YIPF6: variants seen among roughly 807,000 people sequenced by gnomAD.
The protein encoded by YIPF6 is Yip1 domain family member 6.
A neutral mutation model predicts 16.8 loss-of-function variants in YIPF6; 3 were observed. The observed-to-expected ratio is 0.18, with a 90% CI of 0.08 to 0.46. The LOEUF is 0.46. Ranked by LOEUF, YIPF6 falls within the 20% of genes least tolerant of loss-of-function variation. The probability of loss-of-function intolerance (pLI) is 0.98; values close to 1 mark genes in which losing one functional copy is unlikely to be tolerated. For synonymous variants in YIPF6, 67 were observed against 61.9 expected (o/e 1.08, Z -0.38); for missense variants, 145 against 184.9 (o/e 0.78, Z 1.25).
At chrX:68,520,166 T>C (rs902708066) in intron 4 of YIPF6, among the ~76,000 whole-genome samples, 5 of 112,436 alleles carry the variant, frequency 4.4e-5, no homozygotes, top group Non-Finnish European at 7.5e-5. Context: ...ATGCATATCA[T>C]AGAATACAAA....
chrX:68,521,574 A>C (rs2079126045), intron 5 of YIPF6, 77 bp downstream of exon 5: 2 of 1,040,264 alleles, frequency 1.9e-6, no homozygotes, highest in Non-Finnish European at 2.6e-6. Context: ...CAGGCTAGCT[A>C]GATTTTTTTT....
chrX:68,531,557 T>C (rs910896020), intron 6 of YIPF6, among the ~76,000 whole-genome samples: 10 of 112,455 alleles, frequency 8.9e-5, no homozygotes, highest in African/African-American at 3.2e-4. Flanking sequence ...CGAGGCCGTT[T>C]ACCATAGGAA....
chrX:68,524,399 C>T (rs1303134531), intron 6 of YIPF6, among the ~76,000 whole-genome samples: 1 of 110,321 alleles, frequency 9.1e-6, no homozygotes, highest in African/African-American at 3.3e-5. Flanking sequence ...GAACTCCTGA[C>T]CTCAGGTGAT....
At chrX:68,501,916 A>G (rs888836570) in intron 1 of YIPF6, among the ~76,000 whole-genome samples, 2 of 111,690 alleles carry the variant, frequency 1.8e-5, no homozygotes, top group Non-Finnish European at 3.8e-5. Flanking sequence ...GAAATTACCA[A>G]ACCCCTCCTT....
At position 68,521,392 on chromosome X, in the gene YIPF6, C is replaced by T. The variant is rs1214152676; in HGVS notation, c.329C>T (p.Ala110Val). The T allele has an allele frequency of 8.3e-7, 1 of 1,210,448 alleles. No individual in the cohort carries two copies. The highest frequency in any genetic ancestry group is 1.8e-5 in the South Asian group (1 of 56,805). ...TLALMLQRDS[A>V]DSEKDGGPQF... ...CTCAGAATGCTGCAAAGAGACTCTG[C>T]AGATAGTGAAAAAGATGGAGGGCCC... The change falls in exon 5 of 7, where the codon GCA becomes GTA. Residue 110 changes from alanine to valine, a missense_variant. Ala to Val is a moderately conservative substitution (Grantham distance 64). Transcript: ENST00000462683.
chrX:68,515,555 T>A (rs2079099050), intron 3 of YIPF6, among the ~76,000 whole-genome samples: 1 of 111,437 alleles, frequency 9.0e-6, no homozygotes, highest in Non-Finnish European at 1.9e-5. Flanking sequence ...TCTGTATCTG[T>A]CCTATTGGAA....
intron 2 of YIPF6, among the ~76,000 whole-genome samples, chrX:68,512,830 A>ATT (rs200742201): frequency 1.8e-3 from 172 of 96,836 alleles, no homozygotes; most frequent in African/African-American, 6.1e-3. Context: ...CAGTTTCTTG[A>ATT]TTTTTTTTTT....
In YIPF6 at chrX:68,521,473, A is replaced by C. The variant is rs1163080748; in HGVS notation, c.410A>C (p.Asn137Thr). 2 of 1,208,903 alleles carry C rather than the reference A, an allele frequency of 1.7e-6. No homozygotes were observed. Among genetic ancestry groups the C allele is most frequent in the Non-Finnish European group, 2.2e-6 (2 of 894,457 alleles). Residue 137 changes from asparagine (N) to threonine (T), a missense_variant, in exon 5 of 7, where the codon AAC (asparagine) becomes ACC (threonine). Asn to Thr is a moderately conservative substitution (Grantham distance 65). Coordinates refer to ENST00000462683, the MANE Select transcript of YIPF6 (RefSeq NM_173834.4). ...TTTGGTGCAGTTACCATCACCCTCA[A>C]CTCAAAACTTCTTGGAGGGAACATG... ...VWFGAVTITL[N>T]SKLLGGNISF...
chrX:68,501,730 T>G (rs1481251983), intron 1 of YIPF6, among the ~76,000 whole-genome samples: 1 of 111,971 alleles, frequency 8.9e-6, no homozygotes, highest in Non-Finnish European at 1.9e-5. Flanking sequence ...GCTAGTATAT[T>G]TATAGAACAA....
At chrX:68,513,547 C>A in intron 3 of YIPF6, 142 bp downstream of exon 3, 1 of 340,374 alleles carries the variant, frequency 2.9e-6, no homozygotes, top group Non-Finnish European at 4.9e-6. Flanking sequence ...ATATGTAAAT[C>A]AAACTTCTGG....
chrX:68,521,694 C>T (rs1469527263), intron 5 of YIPF6, among the ~76,000 whole-genome samples, 197 bp downstream of exon 5: 1 of 108,388 alleles, frequency 9.2e-6, no homozygotes, highest in Non-Finnish European at 1.9e-5. Context: ...TAGCTGGGAT[C>T]CTCCTGCCCC....
chrX:68,510,714 A>G (rs2079077780), intron 1 of YIPF6: 1 of 110,610 alleles, frequency 9.0e-6, no homozygotes, highest in Admixed American at 9.7e-5. Flanking sequence ...GCTCACCGCA[A>G]CCTTCACCTC....
At chrX:68,527,661 G>A (rs887057161) in intron 6 of YIPF6, among the ~76,000 whole-genome samples, 2 of 111,579 alleles carry the variant, frequency 1.8e-5, no homozygotes, top group Non-Finnish European at 3.8e-5. Context: ...AGAGATTCTG[G>A]TATGTTCCGT....
chrX:68,517,481 C>G (rs2079107773), intron 3 of YIPF6, among the ~76,000 whole-genome samples: 1 of 112,222 alleles, frequency 8.9e-6, no homozygotes, highest in Non-Finnish European at 1.9e-5. Flanking sequence ...TTTGCTAGAC[C>G]TGATGTTGGC....
chrX:68,513,269 A>T, intron 2 of YIPF6, 58 bp from the exon 3 acceptor site: 1 of 996,614 alleles, frequency 1.0e-6, no homozygotes, highest in South Asian at 2.2e-5. Context: ...TAGCAAATTA[A>T]GTAAGGCTGC....
intron 6 of YIPF6, among the ~76,000 whole-genome samples, chrX:68,526,979 C>T (rs1423222754): frequency 1.8e-5 from 2 of 111,724 alleles, no homozygotes; most frequent in Non-Finnish European, 3.8e-5. Context: ...CAGGATGATG[C>T]TGGCCTCACG....
chrX:68,517,978 A>AG (rs949425650), intron 3 of YIPF6, among the ~76,000 whole-genome samples: 3 of 107,834 alleles, frequency 2.8e-5, no homozygotes, highest in African/African-American at 1.0e-4. Context: ...AAAAAAAAAA[A>AG]AAAGAAAAGA....
rs1036297106 is a variant in YIPF6 at position 68,533,584 on chromosome X, C to G, written c.*1585C>G. 1 of 111,763 alleles carries G rather than the reference C, an allele frequency of 8.9e-6. No individual in the cohort carries two copies. Among genetic ancestry groups the G allele is most frequent in the African/African-American group, 3.2e-5 (1 of 30,802 alleles). 9.2% of individuals were successfully genotyped at this position (111,763 alleles called of 1,213,427 possible). A position where few individuals can be genotyped will look rare whatever the true frequency, so the allele number is the denominator to read the frequency against. ...CCACATTAGCCAAGTGAATACAGGG[C>G]CAAATGGGTTCTTGGAATGATAATA... On this transcript the variant is annotated 3_prime_UTR_variant, in exon 7 of 7. Transcript: ENST00000462683.
intron 6 of YIPF6, among the ~76,000 whole-genome samples, chrX:68,529,030 C>T (rs774394751): frequency 9.0e-6 from 1 of 111,141 alleles, no homozygotes; most frequent in Non-Finnish European, 1.9e-5. Context: ...GCCTGCCTTC[C>T]TAGGTTGGGG....
Sources: allele counts gnomAD v4.1 joint callset (sites outside exome capture counted in the v4.1 genomes callset), GRCh38; gene constraint gnomAD v4.1.1; transcripts MANE v1.5; gene names NCBI Gene and HGNC (gene_info 2026-07-23, HGNC 2026-07-21).